The following SCAP variants were observed in gnomAD, a reference collection of about 807,000 sequenced individuals.
The protein encoded by SCAP is sterol regulatory element-binding protein cleavage-activating protein.
SCAP carries 65 observed loss-of-function variants against 123.6 expected under a neutral mutation model. The observed-to-expected ratio is 0.53, with a 90% CI of 0.43 to 0.65. The LOEUF (loss-of-function observed/expected upper bound fraction) is 0.65. SCAP is among the 30% of genes least tolerant of loss of function. SCAP has a pLI of 0.00. For missense variants in SCAP, 1,398 were observed against 1,712.5 expected (o/e 0.82, Z 3.24); for synonymous variants, 740 against 726.3 (o/e 1.02, Z -0.30).
chr3:47,420,505 A>G lies in SCAP; in HGVS notation c.1563+49T>C. The G allele has an allele frequency of 6.7e-7, 1 of 1,483,432 alleles. No individual in the cohort carries two copies. Among genetic ancestry groups the G allele is most frequent in the Non-Finnish European group, 9.1e-7 (1 of 1,098,176 alleles). 91.9% of individuals were successfully genotyped at this position (1,483,432 alleles called of 1,614,324 possible). A position where few individuals can be genotyped will look rare whatever the true frequency, so the allele number is the denominator to read the frequency against. ...AAGTGCAGCACCACAAGGGGCCTGG[A>G]GCACCGGCCCTCCAGAAGAGGGCAG... On this transcript the variant is annotated intron_variant, in intron 12 of 22. Transcript: ENST00000265565. The surrounding 1 kb of genome is among the most constrained non-coding windows in gnomAD (Gnocchi z 5.0).
Position 47,419,344 on chromosome 3 carries a change from T to A in SCAP, c.1924A>T (p.Ile642Phe). Residue 642 changes from isoleucine to phenylalanine, a missense_variant, in exon 13 of 23, where the codon ATC becomes TTC. By Grantham distance (21) the Ile-to-Phe change is conservative. Around this residue, in one of 7 missense-constraint regions of SCAP, gnomAD observed 828 missense variants for 882.5 expected, o/e 0.94. Coordinates refer to ENST00000265565, the MANE Select transcript of SCAP (RefSeq NM_012235.4). This position sits in a 1 kb window ranked among gnomAD's most constrained non-coding sequence, Gnocchi z 5.0. The stretch of plus-strand genomic sequence containing the variant: ...CCAGCTCACCTCTTGGCCAGTGTGA[T>A]GTTGTAATAGCTGAAGAGCGTCGGC... ...HWPTLFSYYNITLAKRYISLL... is the reference protein window; with the variant it reads ...HWPTLFSYYNFTLAKRYISLL... 1 of 1,611,906 alleles carries A rather than the reference T, an allele frequency of 6.2e-7. No individual in the cohort carries two copies. The highest frequency in any genetic ancestry group is 8.5e-7 in the Non-Finnish European group (1 of 1,178,954).
upstream of SCAP, among the ~76,000 whole-genome samples, chr3:47,476,270 T>C (rs1005060730): frequency 6.6e-6 from 1 of 152,146 alleles, no homozygotes; most frequent in African/African-American, 2.4e-5. Context: ...AGAGACCAAC[T>C]TGGGCAACGT....
rs762770534 is a variant in SCAP, at chr3:47,417,524, T to C, written c.2750A>G (p.Gln917Arg). 5 of 1,562,682 alleles carry C rather than the reference T, an allele frequency of 3.2e-6. No individual in the cohort carries two copies. The highest frequency in any genetic ancestry group is 2.7e-5 in the African/African-American group (2 of 73,960). ...CAGCCCCTCCTCCTGGTACACCCGCTGCACCAGGCAGCTGAAGTCATAGCC... is the reference window on the plus strand; with the variant it reads ...CAGCCCCTCCTCCTGGTACACCCGCCGCACCAGGCAGCTGAAGTCATAGCC... ...SPGYDFSCLVQRVYQEEGLAA... is the reference protein window; with the variant it reads ...SPGYDFSCLVRRVYQEEGLAA... Residue 917 changes from glutamine to arginine, a missense_variant, in exon 17 of 23, where the codon CAG (glutamine) becomes CGG (arginine). Around this residue, in one of 7 missense-constraint regions of SCAP, gnomAD observed 828 missense variants for 882.5 expected, o/e 0.94. Transcript: ENST00000265565.
chr3:47,469,104 T>A (rs1367401335), intron 1 of SCAP, among the ~76,000 whole-genome samples: 1 of 152,228 alleles, frequency 6.6e-6, no homozygotes, highest in African/African-American at 2.4e-5. Context: ...TCCCAGCACT[T>A]GGGGATGCCA....
In SCAP at chr3:47,414,035, C is replaced by T. The variant is rs1705439930; in HGVS notation, c.3659G>A (p.Gly1220Asp). The T allele has an allele frequency of 6.2e-7, 1 of 1,613,198 alleles. No individual in the cohort carries two copies. The highest frequency in any genetic ancestry group is 1.7e-5 in the Admixed American group (1 of 60,012). The change falls in exon 23 of 23, where the codon GGC (glycine) becomes GAC (aspartate). Residue 1220 changes from glycine (G) to aspartate (D), a missense_variant. Gly to Asp is a moderately conservative substitution (Grantham distance 94). This residue lies in a region of SCAP where 130 missense variants were observed against 166.7 expected (regional missense o/e 0.78). Coordinates refer to ENST00000265565, the MANE Select transcript of SCAP (RefSeq NM_012235.4). ...SDNLLVTGGQ[G>D]CVSFWDLNYG... is the part of the protein sequence containing the mutation. ...GTTTAGGTCCCAAAAGGAGACACAG[C>T]CCTGGCCGCCAGTCACCAGCAGGTT...
chr3:47,471,255 AAATAAG>A lies in SCAP; in HGVS notation c.-99+4538_-99+4543del, dbSNP rs1397649065. On this transcript the variant is annotated intron_variant, in intron 1 of 22. Transcript: ENST00000265565. ...ATTCAACAGTATAAAAAATAAAATA[AAATAAG>A]AATAAGAACAAAGATTTGGCTATAA... 3.3e-5 allele frequency among the ~76,000 whole-genome samples: 5 copies of A among 152,206 alleles called. No homozygotes were observed. In the East Asian group the frequency reaches 5.8e-4, roughly 18 times the overall value.
At chr3:47,423,678 G>A (rs1287121066) in intron 9 of SCAP, among the ~76,000 whole-genome samples, 2 of 152,226 alleles carry the variant, frequency 1.3e-5, no homozygotes, top group African/African-American at 4.8e-5. Context: ...ACAGGTGTGA[G>A]CCATGGCACC....
At chr3:47,472,520 A>AT (rs990300722) in intron 1 of SCAP, among the ~76,000 whole-genome samples, 1 of 151,750 alleles carries the variant, frequency 6.6e-6, no homozygotes, top group Admixed American at 6.6e-5. Context: ...AATTAGTTTT[A>AT]TTTTTTTCCT....
chr3:47,417,720 G>A lies in SCAP; in HGVS notation c.2554C>T (p.Pro852Ser), dbSNP rs369093642. ...KAGPEEPGDS[P>S]PLRHRPRGPP... ...CCCCGGGGGCGGTGTCTCAGGGGAG[G>A]GCTGTCCCCAGGCTCCTCTGGACCA... is the stretch of plus-strand genomic sequence containing the variant. Residue 852 changes from proline to serine, a missense_variant, in exon 17 of 23, where the codon CCT (proline) becomes TCT (serine). Pro to Ser is a moderately conservative substitution (Grantham distance 74, BLOSUM62 -1). Around this residue, in one of 7 missense-constraint regions of SCAP, gnomAD observed 828 missense variants for 882.5 expected, o/e 0.94. Transcript: ENST00000265565. The A allele has an allele frequency of 4.8e-5, 77 of 1,608,364 alleles. No homozygotes were observed. The Middle Eastern group carries it at 1.2e-3, about 24-fold the overall frequency.
At chr3:47,414,708 T>C (rs1162466248) in intron 20 of SCAP, 56 bp from the exon 21 acceptor site, 11 of 1,611,554 alleles carry the variant, frequency 6.8e-6, no homozygotes, top group African/African-American at 1.3e-5. Context: ...AGTTATACTT[T>C]GGCTGGGAAA....
At chr3:47,436,284 G>C (rs1203861757) in intron 2 of SCAP, among the ~76,000 whole-genome samples, 1 of 152,138 alleles carries the variant, frequency 6.6e-6, no homozygotes, top group African/African-American at 2.4e-5. Context: ...CATGAGGAAA[G>C]TTAAGTTAAT....
At position 47,473,080 on chromosome 3, in the gene SCAP, C is replaced by CAAAAAAAAAAAAAAAAAAAAA. The variant is rs34472664; in HGVS notation, c.-99+2718_-99+2719insTTTTTTTTTTTTTTTTTTTTT. The stretch of plus-strand genomic sequence containing the variant: ...GGGCAAGAAGAGCGAAACTCCATCT[C>CAAAAAAAAAAAAAAAAAAAAA]AAAAAAAAAAAAAAAAAAACAGACT... On this transcript the variant is annotated intron_variant, in intron 1 of 22. Transcript: ENST00000265565. Among the ~76,000 whole-genome samples, 133 of 38,046 alleles carry CAAAAAAAAAAAAAAAAAAAAA rather than the reference C, an allele frequency of 3.5e-3. 20 individuals are homozygous for CAAAAAAAAAAAAAAAAAAAAA. The highest frequency in any genetic ancestry group is 0.021 in the East Asian group (19 of 898). 25.0% of individuals were successfully genotyped at this position (38,046 alleles called of 152,430 possible). A position where few individuals can be genotyped will look rare whatever the true frequency, so the allele number is the denominator to read the frequency against.
intron 1 of SCAP, among the ~76,000 whole-genome samples, chr3:47,450,761 A>G (rs1404492685): frequency 8.1e-6 from 1 of 123,868 alleles, no homozygotes; most frequent in Non-Finnish European, 1.8e-5. Context: ...CAATTTCCCA[A>G]ACTGATTATA....
At chr3:47,457,117 G>T (rs1251907923) in intron 1 of SCAP, among the ~76,000 whole-genome samples, 1 of 152,332 alleles carries the variant, frequency 6.6e-6, no homozygotes, top group East Asian at 1.9e-4. Flanking sequence ...GAGAACAGAA[G>T]TCTCTGCTTA....
chr3:47,471,591 G>C (rs56393696), intron 1 of SCAP, among the ~76,000 whole-genome samples: 1 of 151,938 alleles, frequency 6.6e-6, no homozygotes, highest in Non-Finnish European at 1.5e-5. Flanking sequence ...GGCTGGTCTC[G>C]AACTCCTGAC....
At chr3:47,472,974 G>A (rs1485812591) in intron 1 of SCAP, among the ~76,000 whole-genome samples, 1 of 151,450 alleles carries the variant, frequency 6.6e-6, no homozygotes, top group Admixed American at 6.6e-5. Flanking sequence ...CAGCTACTCA[G>A]GAGGCTGAGG....
chr3:47,441,525 A>C (rs1018745879), intron 2 of SCAP, among the ~76,000 whole-genome samples: 1 of 152,090 alleles, frequency 6.6e-6, no homozygotes, highest in Non-Finnish European at 1.5e-5. Flanking sequence ...GGAAAAAAAA[A>C]CCCAAGAGCT....
chr3:47,422,945 C>T (rs1398299375), intron 9 of SCAP, among the ~76,000 whole-genome samples: 3 of 152,190 alleles, frequency 2.0e-5, no homozygotes, highest in East Asian at 1.9e-4. Flanking sequence ...CAGAAGCACT[C>T]GGCGGGTAGA....
chr3:47,471,264 T>C (rs1708015973), intron 1 of SCAP, among the ~76,000 whole-genome samples: 1 of 152,010 alleles, frequency 6.6e-6, no homozygotes, highest in Non-Finnish European at 1.5e-5. Flanking sequence ...AAAATAAGAA[T>C]AAGAACAAAG....
Sources: allele counts gnomAD v4.1 joint callset (sites outside exome capture counted in the v4.1 genomes callset), GRCh38; gene constraint gnomAD v4.1.1; regional missense constraint gnomAD v4.1.1; non-coding constraint Gnocchi (gnomAD v3.1); transcripts MANE v1.5; gene names NCBI Gene and HGNC (gene_info 2026-07-23, HGNC 2026-07-21).